Variants in TLK1 observed in about 807,000 individuals in gnomAD.
TLK1 encodes serine/threonine-protein kinase tousled-like 1.
In TLK1, 24 loss-of-function variants were observed where a neutral mutation model predicts 105.3. That is an observed-to-expected ratio of 0.23 (90% CI 0.17 to 0.32). TLK1 has a LOEUF of 0.32. Among genes scored for constraint, TLK1 ranks in the 10% least tolerant of loss-of-function variants. The probability of loss-of-function intolerance (pLI) is 1.00; values close to 1 mark genes in which losing one functional copy is unlikely to be tolerated. For synonymous variants in TLK1, 321 were observed against 310.4 expected (o/e 1.03, Z -0.36); for missense variants, 558 against 910.5 (o/e 0.61, Z 4.98).
In TLK1 at chr2:170,992,878, T is replaced by C. The variant is rs1309758625; in HGVS notation, c.*902A>G. On this transcript the variant is annotated 3_prime_UTR_variant, in exon 21 of 21. Coordinates refer to ENST00000431350, the MANE Select transcript of TLK1 (RefSeq NM_012290.5). ...CTGCTGAAACTTAGTAATTGAAATATGACATCTGTACAACAATTTACAATA... is the reference window on the plus strand; with the variant it reads ...CTGCTGAAACTTAGTAATTGAAATACGACATCTGTACAACAATTTACAATA... 2.6e-5 allele frequency: 4 copies of C among 152,658 alleles called. No individual in the cohort carries two copies. The highest frequency in any genetic ancestry group is 7.2e-5 in the African/African-American group (3 of 41,466). The allele number at this position is 152,658 out of a possible 1,614,324, so 9.5% of individuals were successfully genotyped here.
At chr2:171,186,585 C>T (rs1258095974) in intron 1 of TLK1, among the ~76,000 whole-genome samples, 3 of 152,154 alleles carry the variant, frequency 2.0e-5, no homozygotes, top group Non-Finnish European at 4.4e-5. Context: ...ATCCATTTCC[C>T]ATTGGCTAGG....
intron 1 of TLK1, among the ~76,000 whole-genome samples, chr2:171,213,732 A>AT (rs1056782409): frequency 7.1e-6 from 1 of 141,308 alleles, no homozygotes; most frequent in Non-Finnish European, 1.5e-5. Flanking sequence ...TGAGGCTTAT[A>AT]TTTTTTTAGA....
Position 171,195,821 on chromosome 2 carries a change from G to T in TLK1, c.-6+35324C>A, listed in dbSNP as rs564448641. On this transcript the variant is annotated intron_variant, in intron 1 of 20. Coordinates refer to the TLK1 transcript ENST00000521943. Reference sequence around the variant, plus strand: ...CCCAACACTTTGGGAGGTCGAGGCTGGCAGATCACCTGAGGTCAGGAGTTC... The same window carrying T: ...CCCAACACTTTGGGAGGTCGAGGCTTGCAGATCACCTGAGGTCAGGAGTTC... 3.3e-5 allele frequency among the ~76,000 whole-genome samples: 5 copies of T among 152,048 alleles called. No individual in the cohort carries two copies. In the East Asian group the frequency reaches 9.8e-4, roughly 30 times the overall value.
chr2:171,175,919 GTT>G (rs113219656), intron 1 of TLK1, among the ~76,000 whole-genome samples: 1 of 148,410 alleles, frequency 6.7e-6, no homozygotes, highest in African/African-American at 2.5e-5. Flanking sequence ...GGATATCAAG[GTT>G]TTTTTTTTGT....
At chr2:171,100,233 A>G (rs1318578318) in intron 2 of TLK1, among the ~76,000 whole-genome samples, 3 of 152,178 alleles carry the variant, frequency 2.0e-5, no homozygotes, top group Non-Finnish European at 4.4e-5. Context: ...TGGTTATGCT[A>G]TGGATTGAAT....
intron 2 of TLK1, among the ~76,000 whole-genome samples, chr2:171,103,723 G>A (rs1055229909): frequency 1.3e-5 from 2 of 152,108 alleles, no homozygotes; most frequent in Non-Finnish European, 2.9e-5. Flanking sequence ...TATAATAGCA[G>A]ATAAAAATGA....
At chr2:171,052,647 C>A (rs1267117976) in intron 8 of TLK1, among the ~76,000 whole-genome samples, 1 of 152,114 alleles carries the variant, frequency 6.6e-6, no homozygotes, top group African/African-American at 2.4e-5. Flanking sequence ...CAAAAACCAA[C>A]TGAAATAATA....
At chr2:171,015,675 TGTCA>T (rs67841106) in intron 12 of TLK1, among the ~76,000 whole-genome samples, 34,556 of 145,270 alleles carry the variant, frequency 0.24, 4,904 homozygotes, top group Middle Eastern at 0.4. Context: ...ATGTCATTCA[TGTCA>T]TTCATTCATA....
chr2:171,148,253 G>T (rs534351207), intron 1 of TLK1, among the ~76,000 whole-genome samples: 26 of 151,994 alleles, frequency 1.7e-4, no homozygotes, highest in African/African-American at 6.3e-4. Flanking sequence ...GTGTTTTTTT[G>T]TGTGTTCTTA....
At chr2:171,001,588 C>T (rs376537500) in intron 18 of TLK1, among the ~76,000 whole-genome samples, 5 of 152,264 alleles carry the variant, frequency 3.3e-5, no homozygotes, top group African/African-American at 1.2e-4. Flanking sequence ...ATCATAAACC[C>T]AATTGCATTT....
Position 171,056,573 on chromosome 2 carries a change from A to G in TLK1, c.454-7T>C. On this transcript the variant is annotated splice_region_variant and splice_polypyrimidine_tract_variant and intron_variant, in intron 5 of 20. Transcript: ENST00000431350. ...AGCCATTTCCACCCTGGTACTGAGT[A>G]AAAGAAAAAGGAAGCATTATTATTT... The G allele has an allele frequency of 1.2e-6, 2 of 1,607,118 alleles. No individual in the cohort carries two copies. The highest frequency in any genetic ancestry group is 1.7e-6 in the Non-Finnish European group (2 of 1,174,698).
At chr2:171,060,305 C>A (rs1237077723) in intron 4 of TLK1, among the ~76,000 whole-genome samples, 1 of 152,076 alleles carries the variant, frequency 6.6e-6, no homozygotes, top group Non-Finnish European at 1.5e-5. Flanking sequence ...TACACTAAGA[C>A]CAAAAAGGAG....
intron 2 of TLK1, among the ~76,000 whole-genome samples, chr2:171,098,152 A>T (rs1689531589): frequency 6.6e-6 from 1 of 152,152 alleles, no homozygotes; most frequent in Admixed American, 6.5e-5. Context: ...AGGTTCATCT[A>T]CACTGAATAA....
At chr2:171,064,933 A>G (rs1687918092) in intron 3 of TLK1, among the ~76,000 whole-genome samples, 1 of 152,202 alleles carries the variant, frequency 6.6e-6, no homozygotes, top group Admixed American at 6.5e-5. Flanking sequence ...GTAGTGATAT[A>G]ATTTAACTAA....
At position 171,123,195 on chromosome 2, in the gene TLK1, C is replaced by G. The variant is rs142860475; in HGVS notation, c.140-5338G>C. Among the ~76,000 whole-genome samples, 648 of 152,084 alleles carry G rather than the reference C, an allele frequency of 4.3e-3. 4 individuals carry two copies. Among genetic ancestry groups the G allele is most frequent in the African/African-American group, 0.015 (619 of 41,500 alleles). ...ATCATCAAAATCTACTACAAATACTCATCTGTTAAATTTTGTTTTGAGACG... is the reference window on the plus strand; with the variant it reads ...ATCATCAAAATCTACTACAAATACTGATCTGTTAAATTTTGTTTTGAGACG... On this transcript the variant is annotated intron_variant, in intron 1 of 20. Coordinates refer to ENST00000431350, the MANE Select transcript of TLK1 (RefSeq NM_012290.5).
At chr2:171,055,350 TG>T (rs1366486252) in intron 6 of TLK1, among the ~76,000 whole-genome samples, 178 bp from the exon 7 acceptor site, 1 of 151,902 alleles carries the variant, frequency 6.6e-6, no homozygotes, top group African/African-American at 2.4e-5. Flanking sequence ...ATTCAACAAG[TG>T]TTCATTAAGT....
At position 170,993,515 on chromosome 2, in the gene TLK1, A is replaced by G; in HGVS notation, c.*265T>C. On this transcript the variant is annotated 3_prime_UTR_variant, in exon 21 of 21. Coordinates refer to ENST00000431350, the MANE Select transcript of TLK1 (RefSeq NM_012290.5). ...TTTTTTTCCTCTATCTTAACATGGT[A>G]TTCCTGTTTCTGTGTAACAGGCAGT... 1 of 317,828 alleles carries G rather than the reference A, an allele frequency of 3.1e-6. No homozygotes were observed. The allele number at this position is 317,828 out of a possible 1,614,324, so 19.7% of individuals were successfully genotyped here. A position where few individuals can be genotyped will look rare whatever the true frequency, so the allele number is the denominator to read the frequency against.
At chr2:171,059,791 A>T (rs781362788) in intron 4 of TLK1, 40 of 663,162 alleles carry the variant, frequency 6.0e-5, no homozygotes, top group Middle Eastern at 7.9e-4. Context: ...GATTCTCATA[A>T]GGGAGTGCAT....
intron 1 of TLK1, among the ~76,000 whole-genome samples, chr2:171,137,511 G>A (rs1691374844): frequency 6.6e-6 from 1 of 152,126 alleles, no homozygotes; most frequent in South Asian, 2.1e-4. Flanking sequence ...ATGCACATAT[G>A]CCTTGTTTAA....
Sources: allele counts gnomAD v4.1 joint callset (sites outside exome capture counted in the v4.1 genomes callset), GRCh38; gene constraint gnomAD v4.1.1; transcripts MANE v1.5; gene names NCBI Gene and HGNC (gene_info 2026-07-23, HGNC 2026-07-21).